The following PALS2 variants were observed in gnomAD, a reference collection of about 807,000 sequenced individuals.
PALS2 encodes protein PALS2.
In PALS2, 27 loss-of-function variants were observed where a neutral mutation model predicts 61.6. The ratio of observed to expected loss-of-function variants is 0.44; its 90% CI spans 0.32 to 0.60. PALS2 has a LOEUF of 0.60. Ranked by LOEUF, PALS2 falls within the 20% of genes least tolerant of loss-of-function variation. PALS2 has a pLI of 0.05. For missense variants in PALS2, 554 were observed against 639.4 expected (o/e 0.87, Z 1.44); for synonymous variants, 236 against 218.6 (o/e 1.08, Z -0.70).
intron 1 of PALS2, among the ~76,000 whole-genome samples, chr7:24,582,604 A>G (rs1401116646): frequency 6.6e-6 from 1 of 151,842 alleles, no homozygotes; most frequent in African/African-American, 2.4e-5. Flanking sequence ...CTTTGAGTGG[A>G]TTTGTCTTCT....
At chr7:24,665,473 G>C (rs1786965812) in intron 6 of PALS2, 115 bp from the exon 7 acceptor site, 3 of 800,144 alleles carry the variant, frequency 3.7e-6, no homozygotes, top group Non-Finnish European at 6.2e-6. Flanking sequence ...TAAATCTCAA[G>C]GTTGTTTTTA....
chr7:24,645,519 G>A (rs1259003293), intron 3 of PALS2, among the ~76,000 whole-genome samples: 1 of 152,086 alleles, frequency 6.6e-6, no homozygotes, highest in Non-Finnish European at 1.5e-5. Flanking sequence ...GGTTACTGTA[G>A]CCTTGTAGTA....
intron 1 of PALS2, among the ~76,000 whole-genome samples, chr7:24,595,396 A>T (rs2128045005): frequency 7.0e-6 from 1 of 143,248 alleles, no homozygotes; most frequent in Non-Finnish European, 1.5e-5. Context: ...AACTATTTAT[A>T]TATATATAAA....
chr7:24,601,300 C>T (rs1302843831), intron 1 of PALS2, among the ~76,000 whole-genome samples: 1 of 152,112 alleles, frequency 6.6e-6, no homozygotes, highest in African/African-American at 2.4e-5. Flanking sequence ...CCTGTATTTT[C>T]ATTTTCTCAG....
Position 24,692,325 on chromosome 7 carries a change from G to A in PALS2, c.*4711G>A, listed in dbSNP as rs1788514362. Reference sequence around the variant, plus strand: ...AAGATCCTAATTCTGACTTCTGACTGTGTGATCTTCGATGAAATTTATATT... The same window carrying A: ...AAGATCCTAATTCTGACTTCTGACTATGTGATCTTCGATGAAATTTATATT... On this transcript the variant is annotated 3_prime_UTR_variant, in exon 12 of 12. Coordinates refer to ENST00000222644, the MANE Select transcript of PALS2 (RefSeq NM_001303037.2). 6.6e-6 allele frequency: 1 copy of A among 152,182 alleles called. No homozygotes were observed. The highest frequency in any genetic ancestry group is 2.4e-5 in the African/African-American group (1 of 41,452). 9.4% of individuals were successfully genotyped at this position (152,182 alleles called of 1,614,324 possible).
At chr7:24,610,128 A>G (rs1158166526) in intron 1 of PALS2, among the ~76,000 whole-genome samples, 1 of 152,110 alleles carries the variant, frequency 6.6e-6, no homozygotes, top group Non-Finnish European at 1.5e-5. Context: ...ATGCAGTAGG[A>G]AGTATTGTTC....
intron 2 of PALS2, among the ~76,000 whole-genome samples, chr7:24,630,855 A>T (rs753219786): frequency 1.1e-4 from 16 of 152,164 alleles, no homozygotes; most frequent in Non-Finnish European, 1.9e-4. Context: ...ACATATTTTA[A>T]TCCCACTGTT....
At chr7:24,650,802 T>C in intron 5 of PALS2, 90 bp downstream of exon 5, 6 of 937,884 alleles carry the variant, frequency 6.4e-6, no homozygotes, top group Non-Finnish European at 9.2e-6. Context: ...ACTATTTTGC[T>C]AAAGAAAAGA....
chr7:24,580,402 TAATG>T (rs1420821352), intron 1 of PALS2, among the ~76,000 whole-genome samples: 1 of 152,240 alleles, frequency 6.6e-6, no homozygotes, highest in Non-Finnish European at 1.5e-5. Flanking sequence ...TCCATTTTAA[TAATG>T]AAATCATTCA....
intron 1 of PALS2, among the ~76,000 whole-genome samples, chr7:24,615,393 GAAAC>G (rs1248802873): frequency 2.0e-5 from 3 of 151,710 alleles, no homozygotes; most frequent in Non-Finnish European, 4.4e-5. Flanking sequence ...AATAAAATCA[GAAAC>G]AAAACATGTC....
intron 2 of PALS2, among the ~76,000 whole-genome samples, chr7:24,634,982 T>C (rs1785170683): frequency 6.6e-6 from 1 of 152,224 alleles, no homozygotes; most frequent in South Asian, 2.1e-4. Flanking sequence ...TCTTGTGTAG[T>C]ACTTTTTGAA....
At chr7:24,671,677 A>G (rs1198167008) in intron 9 of PALS2, among the ~76,000 whole-genome samples, 1 of 152,152 alleles carries the variant, frequency 6.6e-6, no homozygotes, top group Non-Finnish European at 1.5e-5. Context: ...TGACTCTTAC[A>G]TGCAGATTAT....
chr7:24,593,216 T>C (rs1321108335), intron 1 of PALS2, among the ~76,000 whole-genome samples: 1 of 152,132 alleles, frequency 6.6e-6, no homozygotes, highest in Non-Finnish European at 1.5e-5. Flanking sequence ...TCCTCTTCTG[T>C]TAAAGTTTTA....
At chr7:24,677,314 C>A (rs1787666576) in intron 9 of PALS2, among the ~76,000 whole-genome samples, 1 of 152,102 alleles carries the variant, frequency 6.6e-6, no homozygotes, top group Non-Finnish European at 1.5e-5. Context: ...ACGTCATCTG[C>A]AAACAGGGAC....
At position 24,676,984 on chromosome 7, in the gene PALS2, G is replaced by A. The variant is rs562256074; in HGVS notation, c.1115-2147G>A. On this transcript the variant is annotated intron_variant, in intron 9 of 11. Transcript: ENST00000222644. ...CCTTGGGCAGTATGGCCATTTTCACGATATTGATTCTTCCTACCCATGAGC... is the reference window on the plus strand; with the variant it reads ...CCTTGGGCAGTATGGCCATTTTCACAATATTGATTCTTCCTACCCATGAGC... Among the ~76,000 whole-genome samples the A allele has an allele frequency of 4.2e-4, 63 of 151,264 alleles. 4 individuals are homozygous for A. Among genetic ancestry groups the A allele is most frequent in the Middle Eastern group, 3.4e-3 (1 of 294 alleles).
intron 5 of PALS2, among the ~76,000 whole-genome samples, chr7:24,655,656 A>G (rs1478248080): frequency 2.5e-4 from 14 of 55,054 alleles, no homozygotes; most frequent in Non-Finnish European, 2.7e-4. Context: ...TTTTTTTTTG[A>G]GATAGAGTCT....
chr7:24,659,063 C>T (rs1027593460), intron 5 of PALS2, among the ~76,000 whole-genome samples: 4 of 152,156 alleles, frequency 2.6e-5, no homozygotes, highest in Admixed American at 1.3e-4. Flanking sequence ...TCGATATGTA[C>T]TCAATGTTTA....
intron 3 of PALS2, among the ~76,000 whole-genome samples, chr7:24,646,851 G>A (rs1785858007): frequency 2.0e-5 from 3 of 152,094 alleles, no homozygotes; most frequent in African/African-American, 7.2e-5. Context: ...TCTATGCAGG[G>A]AATCAATTTA....
At chr7:24,686,415 T>G (rs1339683797) in intron 11 of PALS2, among the ~76,000 whole-genome samples, 2 of 152,214 alleles carry the variant, frequency 1.3e-5, no homozygotes, top group African/African-American at 2.4e-5. Flanking sequence ...CATTCTGGTC[T>G]TCTTTCAGTA....
Sources: gnomAD v4.1 joint callset for allele counts (sites outside exome capture counted in the v4.1 genomes callset) on GRCh38, gnomAD v4.1.1 for gene constraint, MANE v1.5 for transcripts, NCBI Gene and HGNC (gene_info 2026-07-23, HGNC 2026-07-21) for gene names.